F13A1: variants seen among roughly 807,000 people sequenced by gnomAD.
F13A1 encodes the protein FSF, A subunit.
Under a neutral mutation model 80.1 loss-of-function variants are expected in F13A1, and 47 were observed. The observed-to-expected ratio is 0.59, with a 90% CI of 0.46 to 0.75. F13A1 has a LOEUF of 0.75. Among genes scored for constraint, F13A1 ranks in the 30% least tolerant of loss-of-function variants. The probability of loss-of-function intolerance (pLI) is 0.00; values close to 1 mark genes in which losing one functional copy is unlikely to be tolerated. For synonymous variants in F13A1, 349 were observed against 344.9 expected, an observed-to-expected ratio of 1.01 and a Z score of -0.13; for missense variants, 817 against 930.4, an observed-to-expected ratio of 0.88 and a Z score of 1.59.
chr6:6,251,053 C>G, intron 4 of F13A1, 124 bp from the exon 5 acceptor site: 3 of 786,408 alleles, frequency 3.8e-6, no homozygotes, highest in South Asian at 1.3e-5. Context: ...AAAAAATGCC[C>G]TTTGTTTCAC....
intron 7 of F13A1, among the ~76,000 whole-genome samples, chr6:6,223,273 C>A (rs1485619391): frequency 6.6e-6 from 1 of 152,168 alleles, no homozygotes; most frequent in Non-Finnish European, 1.5e-5. Context: ...GATTGGATAA[C>A]CTTTTTATGC....
At chr6:6,241,385 A>T (rs1427363906) in intron 6 of F13A1, among the ~76,000 whole-genome samples, 1 of 152,194 alleles carries the variant, frequency 6.6e-6, no homozygotes, top group East Asian at 1.9e-4. Context: ...CATACTCATT[A>T]TCTGGTAGAG....
At chr6:6,285,127 T>A (rs1758118186) in intron 3 of F13A1, among the ~76,000 whole-genome samples, 1 of 152,164 alleles carries the variant, frequency 6.6e-6, no homozygotes, top group Non-Finnish European at 1.5e-5. Context: ...CGGGCACCTG[T>A]AATCCCAGCT....
At position 6,187,528 on chromosome 6, in the gene F13A1, T is replaced by A. The variant is rs1186632364; in HGVS notation, c.1306-5387A>T. 1.8e-3 allele frequency among the ~76,000 whole-genome samples: 190 copies of A among 104,732 alleles called. 5 individuals carry two copies. The highest frequency in any genetic ancestry group is 7.2e-3 in the African/African-American group (172 of 24,022). 68.7% of individuals were successfully genotyped at this position (104,732 alleles called of 152,430 possible). A position where few individuals can be genotyped will look rare whatever the true frequency, so the allele number is the denominator to read the frequency against. On this transcript the variant is annotated intron_variant, in intron 10 of 14. Transcript: ENST00000264870. The stretch of plus-strand genomic sequence containing the variant: ...TGTTTATATGCTGGATTACATTTAT[T>A]GATTTGCGTATATTGAACCAGCCTT...
chr6:6,166,030 T>G (rs567395722), intron 13 of F13A1, among the ~76,000 whole-genome samples: 23 of 152,378 alleles, frequency 1.5e-4, no homozygotes, highest in African/African-American at 5.0e-4. Flanking sequence ...GGTGGCTCAC[T>G]GTGTCAATTA....
At chr6:6,195,531 A>AT (rs1010459450) in intron 10 of F13A1, among the ~76,000 whole-genome samples, 8 of 152,212 alleles carry the variant, frequency 5.3e-5, no homozygotes, top group African/African-American at 1.9e-4. Context: ...TTGATACTTA[A>AT]TGGGTGCAGA....
chr6:6,167,384 G>T, intron 13 of F13A1, 74 bp downstream of exon 13: 7 of 1,430,250 alleles, frequency 4.9e-6, no homozygotes, highest in Non-Finnish European at 5.8e-6. Flanking sequence ...ACACATACAA[G>T]CACGCATATG....
At position 6,212,036 on chromosome 6, in the gene F13A1, G is replaced by A. The variant is rs181689690; in HGVS notation, c.1112+9997C>T. 9.9e-3 allele frequency among the ~76,000 whole-genome samples: 1,502 copies of A among 152,334 alleles called. 28 individuals carry two copies. Among genetic ancestry groups the A allele is most frequent in the African/African-American group, 0.035 (1,452 of 41,568 alleles). On this transcript the variant is annotated intron_variant, in intron 8 of 14. Coordinates refer to ENST00000264870, the MANE Select transcript of F13A1 (RefSeq NM_000129.4). ...CTGGCTCGGAGGGTCCTATGCCCAC[G>A]GAGTCTCGCTGATTGCTAGCACAGC...
intron 2 of F13A1, among the ~76,000 whole-genome samples, chr6:6,308,312 C>T (rs950542280): frequency 1.3e-5 from 2 of 152,158 alleles, no homozygotes; most frequent in Non-Finnish European, 1.5e-5. Context: ...CGTGAGCCAT[C>T]ACATCCAGCC....
chr6:6,280,196 A>G (rs1758041695), intron 3 of F13A1, among the ~76,000 whole-genome samples: 1 of 152,238 alleles, frequency 6.6e-6, no homozygotes, highest in Non-Finnish European at 1.5e-5. Context: ...TATGATGAGC[A>G]GAGTGATACC....
intron 11 of F13A1, among the ~76,000 whole-genome samples, chr6:6,175,436 C>T (rs1448413101): frequency 3.0e-4 from 45 of 152,266 alleles, no homozygotes; most frequent in African/African-American, 2.4e-5. Flanking sequence ...CACTCAATTG[C>T]CATTGCCCCC....
intron 3 of F13A1, among the ~76,000 whole-genome samples, chr6:6,293,202 T>C (rs1758249148): frequency 6.6e-6 from 1 of 152,106 alleles, no homozygotes; most frequent in Non-Finnish European, 1.5e-5. Flanking sequence ...TACTGTCACT[T>C]CGGAGGGCTC....
At chr6:6,311,614 T>TATATAATATATAAAAACATATTGTTTAC (rs1554106096) in intron 2 of F13A1, among the ~76,000 whole-genome samples, 3 of 138,958 alleles carry the variant, frequency 2.2e-5, no homozygotes, top group Admixed American at 7.3e-5. Context: ...TATATGTTTA[T>TATATAATATATAAAAACATATTGTTTAC]ATATAATATA....
chr6:6,203,309 T>G (rs975270535), intron 8 of F13A1, among the ~76,000 whole-genome samples: 13 of 152,232 alleles, frequency 8.5e-5, no homozygotes, highest in African/African-American at 3.1e-4. Context: ...AGGCTAGTAC[T>G]CCTGTGACTA....
At chr6:6,299,315 G>A (rs1459521830) in intron 3 of F13A1, among the ~76,000 whole-genome samples, 3 of 118,456 alleles carry the variant, frequency 2.5e-5, no homozygotes, top group African/African-American at 4.5e-5. Flanking sequence ...GATTGGGGAA[G>A]TTCTCCTGGA....
At chr6:6,205,777 A>G (rs1381169474) in intron 8 of F13A1, among the ~76,000 whole-genome samples, 1 of 152,170 alleles carries the variant, frequency 6.6e-6, no homozygotes, top group African/African-American at 2.4e-5. Flanking sequence ...AAATTTGGCA[A>G]AAATAAAACA....
intron 3 of F13A1, among the ~76,000 whole-genome samples, chr6:6,286,363 G>C (rs774216200): frequency 2.6e-5 from 4 of 152,210 alleles, no homozygotes; most frequent in Non-Finnish European, 5.9e-5. Flanking sequence ...TCCAGCCTGG[G>C]TGACAGAGCA....
At chr6:6,156,102 C>T (rs1231162543) in intron 13 of F13A1, among the ~76,000 whole-genome samples, 4 of 152,156 alleles carry the variant, frequency 2.6e-5, no homozygotes, top group Non-Finnish European at 4.4e-5. Flanking sequence ...ACGTCAAATG[C>T]TTTTGCATAT....
At chr6:6,183,131 G>C (rs369061544) in intron 10 of F13A1, among the ~76,000 whole-genome samples, 1 of 152,096 alleles carries the variant, frequency 6.6e-6, no homozygotes. Context: ...GAAGGTTCCA[G>C]TTATTATCAT....
Sources: allele counts gnomAD v4.1 joint callset (sites outside exome capture counted in the v4.1 genomes callset), GRCh38; gene constraint gnomAD v4.1.1; transcripts MANE v1.5; gene names NCBI Gene and HGNC (gene_info 2026-07-23, HGNC 2026-07-21).